Variants in TNFAIP8L3 observed in about 807,000 individuals in gnomAD.
TNFAIP8L3 encodes tumor necrosis factor alpha-induced protein 8-like protein 3.
Under a neutral mutation model 11.8 loss-of-function variants are expected in TNFAIP8L3, and 7 were observed. The observed-to-expected ratio is 0.59, with a 90% CI of 0.34 to 1.11. The LOEUF (loss-of-function observed/expected upper bound fraction) is 1.11, where lower values mean the gene tolerates loss of function less well. TNFAIP8L3 is among the 50% of genes most tolerant of loss of function. The pLI, the probability that TNFAIP8L3 is intolerant of heterozygous loss-of-function variation, is 0.03. For synonymous variants in TNFAIP8L3, 98 were observed against 103.8 expected (o/e 0.94, Z 0.34); for missense variants, 219 against 258.6 (o/e 0.85, Z 1.05).
At chr15:51,102,079 T>C (rs1373388362) in intron 1 of TNFAIP8L3, among the ~76,000 whole-genome samples, 1 of 152,064 alleles carries the variant, frequency 6.6e-6, no homozygotes, top group Non-Finnish European at 1.5e-5. Context: ...TACAACTAGA[T>C]GACCATGGGT....
chr15:51,067,874 C>T (rs2065282068), intron 1 of TNFAIP8L3, among the ~76,000 whole-genome samples: 1 of 152,190 alleles, frequency 6.6e-6, no homozygotes, highest in Non-Finnish European at 1.5e-5. Flanking sequence ...GGACAATTAT[C>T]CTTCCTCTTG....
At chr15:51,101,945 C>CAAAAAAAAAAAAAAAA (rs11297566) in intron 1 of TNFAIP8L3, among the ~76,000 whole-genome samples, 7 of 85,670 alleles carry the variant, frequency 8.2e-5, no homozygotes, top group Non-Finnish European at 1.2e-4. Context: ...GACTCTGTCT[C>CAAAAAAAAAAAAAAAA]AAAAAAAAAA....
intron 1 of TNFAIP8L3, among the ~76,000 whole-genome samples, chr15:51,083,680 A>G (rs2065407598): frequency 6.6e-6 from 1 of 152,246 alleles, no homozygotes; most frequent in Admixed American, 6.5e-5. Flanking sequence ...GACCCTGTTC[A>G]TGGCATGGAG....
chr15:51,094,471 C>G lies in TNFAIP8L3; in HGVS notation c.52+73G>C. The G allele has an allele frequency of 7.3e-7, 1 of 1,371,420 alleles. No individual in the cohort carries two copies. The highest frequency in any genetic ancestry group is 3.2e-5 in the East Asian group (1 of 31,008). The allele number at this position is 1,371,420 out of a possible 1,614,324, so 85.0% of individuals were successfully genotyped here. The stretch of plus-strand genomic sequence containing the variant: ...GTCGGGCTGCTGAGGATCGGCTTCC[C>G]GATTTCATGCCCCAGCCTCCCGTCC... On this transcript the variant is annotated intron_variant, in intron 1 of 1. Transcript: ENST00000637513. The surrounding 1 kb of genome is among the most constrained non-coding windows in gnomAD (Gnocchi z 4.4).
intron 1 of TNFAIP8L3, chr15:51,104,944 T>C: frequency 5.0e-6 from 8 of 1,608,638 alleles, no homozygotes; most frequent in Non-Finnish European, 6.8e-6. Flanking sequence ...CCTTGCATGC[T>C]TTGCACAAGC....
intron 1 of TNFAIP8L3, among the ~76,000 whole-genome samples, chr15:51,071,376 C>A (rs1336798482): frequency 6.6e-6 from 1 of 152,192 alleles, no homozygotes; most frequent in African/African-American, 2.4e-5. Context: ...TCCCTCTCTT[C>A]TGCTTCTAGC....
At chr15:51,060,245 G>A (rs2065233886) in intron 1 of TNFAIP8L3, among the ~76,000 whole-genome samples, 1 of 152,194 alleles carries the variant, frequency 6.6e-6, no homozygotes. Flanking sequence ...AATCAAAGTT[G>A]TTCTCCAAAA....
At chr15:51,061,931 C>T (rs2065244461) in intron 1 of TNFAIP8L3, among the ~76,000 whole-genome samples, 1 of 152,052 alleles carries the variant, frequency 6.6e-6, no homozygotes, top group Non-Finnish European at 1.5e-5. Context: ...ATGTGAATTT[C>T]ACATCAACTC....
chr15:51,064,379 C>A (rs2140964853), intron 1 of TNFAIP8L3, among the ~76,000 whole-genome samples: 1 of 152,232 alleles, frequency 6.6e-6, no homozygotes, highest in South Asian at 2.1e-4. Context: ...TACCAGGTAG[C>A]TTATTAAGGC....
At chr15:51,067,491 C>A (rs769389252) in intron 1 of TNFAIP8L3, among the ~76,000 whole-genome samples, 4 of 152,178 alleles carry the variant, frequency 2.6e-5, no homozygotes, top group Non-Finnish European at 5.9e-5. Context: ...ACTCTTAGAA[C>A]CTCTATTTAG....
Position 51,094,338 on chromosome 15 carries a change from C to T in TNFAIP8L3, c.52+206G>A, listed in dbSNP as rs1375322320. ...GAGACTGGCAGCAAGGAGAGCCACC[C>T]CTAAATGCACCTTCCCTCCCTCCCG... On this transcript the variant is annotated intron_variant, in intron 1 of 1. Coordinates refer to ENST00000637513, the MANE Select transcript of TNFAIP8L3 (RefSeq NM_001311175.2). The surrounding 1 kb of genome is among the most constrained non-coding windows in gnomAD (Gnocchi z 4.4). Among the ~76,000 whole-genome samples the T allele has an allele frequency of 6.6e-6, 1 of 152,196 alleles. No homozygotes were observed.
chr15:51,068,058 A>T (rs1271051224), intron 1 of TNFAIP8L3, among the ~76,000 whole-genome samples: 2 of 152,254 alleles, frequency 1.3e-5, no homozygotes, highest in Admixed American at 1.3e-4. Context: ...AGCCATGGCA[A>T]TTAGAAAGAT....
At chr15:51,065,641 T>C (rs1200279369) in intron 1 of TNFAIP8L3, among the ~76,000 whole-genome samples, 1 of 152,166 alleles carries the variant, frequency 6.6e-6, no homozygotes, top group Non-Finnish European at 1.5e-5. Context: ...TGAGCATCAC[T>C]CTAGGATGTG....
intron 1 of TNFAIP8L3, chr15:51,064,902 G>C (rs1481254607): frequency 6.6e-6 from 1 of 152,242 alleles, no homozygotes; most frequent in Non-Finnish European, 1.5e-5. Context: ...CTAACTAGTG[G>C]ACCGTGTTTA....
intron 1 of TNFAIP8L3, among the ~76,000 whole-genome samples, chr15:51,059,459 T>A (rs546350256): frequency 6.6e-6 from 1 of 152,366 alleles, no homozygotes; most frequent in East Asian, 1.9e-4. Flanking sequence ...GATGGTGTTT[T>A]GATTTGATGA....
chr15:51,066,055 A>G lies in TNFAIP8L3; in HGVS notation c.53-7612T>C, dbSNP rs2065268844. ...CCAAGTTTCTGGCACTCAATCACTT[A>G]CACTTAATTGTTAGGGGGAAAAAAA... is the stretch of plus-strand genomic sequence containing the variant. On this transcript the variant is annotated intron_variant, in intron 1 of 1. Coordinates refer to ENST00000637513, the MANE Select transcript of TNFAIP8L3 (RefSeq NM_001311175.2). Among the ~76,000 whole-genome samples the G allele has an allele frequency of 2.0e-5, 3 of 151,544 alleles. No homozygotes were observed. In the South Asian group the frequency reaches 6.2e-4, roughly 32 times the overall value.
rs763449032 is a variant in TNFAIP8L3, at chr15:51,057,722, C to G, written c.*159G>C. On this transcript the variant is annotated 3_prime_UTR_variant, in exon 2 of 2. Coordinates refer to ENST00000637513, the MANE Select transcript of TNFAIP8L3 (RefSeq NM_001311175.2). ...TAGAAAGCTTGGAAGAAAAACACAC[C>G]TGAGCTCAGTTCAGCATCAGAATCA... 61 of 653,598 alleles carry G rather than the reference C, an allele frequency of 9.3e-5. No individual in the cohort carries two copies. The highest frequency in any genetic ancestry group is 1.4e-4 in the Non-Finnish European group (57 of 401,926). The allele number at this position is 653,598 out of a possible 1,614,324, so 40.5% of individuals were successfully genotyped here. A position where few individuals can be genotyped will look rare whatever the true frequency, so the allele number is the denominator to read the frequency against.
At chr15:51,070,734 A>G (rs1054595629) in intron 1 of TNFAIP8L3, among the ~76,000 whole-genome samples, 9 of 152,214 alleles carry the variant, frequency 5.9e-5, no homozygotes, top group African/African-American at 2.2e-4. Flanking sequence ...GAGATTGAGC[A>G]GTATTTTTCC....
intron 1 of TNFAIP8L3, among the ~76,000 whole-genome samples, chr15:51,093,157 T>C (rs562318180): frequency 6.6e-5 from 10 of 152,380 alleles, no homozygotes; most frequent in African/African-American, 2.2e-4. Context: ...GGCTCATGTT[T>C]ATGAATTATA....
Sources: allele counts gnomAD v4.1 joint callset (sites outside exome capture counted in the v4.1 genomes callset), GRCh38; gene constraint gnomAD v4.1.1; non-coding constraint Gnocchi (gnomAD v3.1); transcripts MANE v1.5; gene names NCBI Gene and HGNC (gene_info 2026-07-23, HGNC 2026-07-21).